The following NRXN1 variants were observed in gnomAD, a reference collection of about 807,000 sequenced individuals.
NRXN1 encodes neurexin 1.
Under a neutral mutation model 150.9 loss-of-function variants are expected in NRXN1, and 39 were observed. The ratio of observed to expected loss-of-function variants is 0.26; its 90% confidence interval spans 0.20 to 0.34. NRXN1 has a LOEUF of 0.34. NRXN1 is among the 10% of genes least tolerant of loss of function. NRXN1 has a pLI of 1.00. For missense variants in NRXN1, 1,815 were observed against 1,949.9 expected (o/e 0.93, Z 1.30); for synonymous variants, 924 against 757.0 (o/e 1.22, Z -3.62).
chr2:50,658,045 C>T (rs1686745230), intron 5 of NRXN1, among the ~76,000 whole-genome samples: 3 of 151,962 alleles, frequency 2.0e-5, no homozygotes, highest in South Asian at 4.2e-4. Flanking sequence ...AATAAAGATA[C>T]AAGAATAACT....
At chr2:50,001,465 A>G (rs565302058) in intron 21 of NRXN1, among the ~76,000 whole-genome samples, 1 of 152,164 alleles carries the variant, frequency 6.6e-6, no homozygotes, top group East Asian at 1.9e-4. Context: ...GGGGTATATA[A>G]AAGAGTAAGC....
At chr2:50,853,790 T>C (rs971242036) in intron 5 of NRXN1, among the ~76,000 whole-genome samples, 3 of 152,096 alleles carry the variant, frequency 2.0e-5, no homozygotes, top group Non-Finnish European at 4.4e-5. Flanking sequence ...GTCACTGTTA[T>C]TTTCTTTAAT....
At chr2:50,319,278 T>C (rs2075841882) in intron 17 of NRXN1, among the ~76,000 whole-genome samples, 1 of 152,138 alleles carries the variant, frequency 6.6e-6, no homozygotes, top group Non-Finnish European at 1.5e-5. Context: ...TGTAGTTGCA[T>C]TATGCAAAAT....
chr2:50,481,828 G>C (rs1176860883), intron 15 of NRXN1, among the ~76,000 whole-genome samples: 4 of 118,284 alleles, frequency 3.4e-5, no homozygotes, highest in Non-Finnish European at 4.7e-5. Context: ...TGCAGTGGCG[G>C]GATCTCGGCT....
At chr2:50,354,293 T>G (rs2078630000) in intron 17 of NRXN1, among the ~76,000 whole-genome samples, 1 of 151,994 alleles carries the variant, frequency 6.6e-6, no homozygotes, top group African/African-American at 2.4e-5. Flanking sequence ...TTGAGCTCTT[T>G]TATTTGTTGC....
intron 17 of NRXN1, among the ~76,000 whole-genome samples, chr2:50,334,726 C>T (rs1486130643): frequency 6.6e-6 from 1 of 152,158 alleles, no homozygotes; most frequent in Non-Finnish European, 1.5e-5. Flanking sequence ...ATACTTTTCA[C>T]TATTATCTGT....
intron 17 of NRXN1, among the ~76,000 whole-genome samples, chr2:50,374,462 A>G (rs1355030966): frequency 6.6e-6 from 1 of 152,088 alleles, no homozygotes; most frequent in Non-Finnish European, 1.5e-5. Context: ...AGAACTATCA[A>G]CCATCATAAA....
intron 5 of NRXN1, among the ~76,000 whole-genome samples, chr2:50,877,405 T>C (rs1259789587): frequency 6.6e-6 from 1 of 151,824 alleles, no homozygotes; most frequent in Non-Finnish European, 1.5e-5. Context: ...GACTAGAAAA[T>C]TCTACTTTAG....
chr2:50,534,479 G>C lies in NRXN1; in HGVS notation c.2144-3049C>G, dbSNP rs1231136472. ...GTAAAATCCCAGTGGTCAAAGACCA[G>C]TGCAAATAATCAAATTGCTGTTGCT... On this transcript the variant is annotated intron_variant, in intron 10 of 22. Transcript: ENST00000401669. 3.9e-5 allele frequency among the ~76,000 whole-genome samples: 6 copies of C among 152,126 alleles called. No individual in the cohort carries two copies. The South Asian group carries it at 8.3e-4, about 21-fold the overall frequency.
chr2:50,789,298 C>A (rs1197625004), intron 5 of NRXN1, among the ~76,000 whole-genome samples: 3 of 152,124 alleles, frequency 2.0e-5, no homozygotes, highest in African/African-American at 2.4e-5. Context: ...CAAACGGCTT[C>A]CTTCTGTTAA....
chr2:50,889,183 T>C (rs1680694132), intron 5 of NRXN1, among the ~76,000 whole-genome samples: 1 of 151,714 alleles, frequency 6.6e-6, no homozygotes, highest in Non-Finnish European at 1.5e-5. Context: ...TCTTAACTGC[T>C]CTTCATGTAT....
intron 17 of NRXN1, among the ~76,000 whole-genome samples, chr2:50,271,422 G>C (rs2069611480): frequency 6.6e-6 from 1 of 152,088 alleles, no homozygotes; most frequent in African/African-American, 2.4e-5. Flanking sequence ...ACTCAAAATG[G>C]TCATTTTTTA....
At chr2:50,139,833 T>C (rs1350918425) in intron 18 of NRXN1, among the ~76,000 whole-genome samples, 1 of 152,130 alleles carries the variant, frequency 6.6e-6, no homozygotes, top group Non-Finnish European at 1.5e-5. Flanking sequence ...AAGGAAAAAA[T>C]ATGATAATTT....
intron 17 of NRXN1, among the ~76,000 whole-genome samples, chr2:50,250,668 A>C (rs774222718): frequency 6.6e-6 from 1 of 152,178 alleles, no homozygotes; most frequent in Non-Finnish European, 1.5e-5. Context: ...TCACAAAAGT[A>C]GAAAAATGTA....
chr2:50,247,886 T>C (rs1258437824), intron 17 of NRXN1, among the ~76,000 whole-genome samples: 2 of 152,168 alleles, frequency 1.3e-5, no homozygotes, highest in East Asian at 3.9e-4. Context: ...TATGAGATGT[T>C]AACATTTGTG....
intron 18 of NRXN1, among the ~76,000 whole-genome samples, chr2:50,217,704 T>C (rs1005854571): frequency 5.9e-5 from 9 of 152,056 alleles, no homozygotes; most frequent in African/African-American, 2.2e-4. Flanking sequence ...TTGAAGGTCA[T>C]CTTTCCAACC....
chr2:50,124,916 T>C (rs1704354127), intron 18 of NRXN1, among the ~76,000 whole-genome samples: 2 of 152,188 alleles, frequency 1.3e-5, no homozygotes, highest in South Asian at 4.1e-4. Flanking sequence ...TTTGAGTTTA[T>C]AAATACATTG....
chr2:50,663,479 T>TG (rs1421916823), intron 5 of NRXN1, among the ~76,000 whole-genome samples: 2 of 152,110 alleles, frequency 1.3e-5, no homozygotes, highest in East Asian at 3.9e-4. Context: ...CCTGACCCTA[T>TG]GGAACCTTTA....
intron 5 of NRXN1, among the ~76,000 whole-genome samples, chr2:50,810,421 T>C (rs1190987609): frequency 6.6e-6 from 1 of 152,150 alleles, no homozygotes; most frequent in Non-Finnish European, 1.5e-5. Flanking sequence ...AGAATGTTTA[T>C]TACTGAGTTT....
Sources: allele counts gnomAD v4.1 joint callset (sites outside exome capture counted in the v4.1 genomes callset), GRCh38; gene constraint gnomAD v4.1.1; transcripts MANE v1.5; gene names NCBI Gene and HGNC (gene_info 2026-07-23, HGNC 2026-07-21).